MEI4: variants seen among roughly 807,000 people sequenced by gnomAD.
The protein encoded by MEI4 is meiotic double-stranded break formation protein 4, also known as meiosis-specific protein MEI4.
A neutral mutation model predicts 31.4 loss-of-function variants in MEI4; 27 were observed. That is an observed-to-expected ratio of 0.86 (90% CI 0.63 to 1.19). The LOEUF is 1.19. MEI4 is among the 50% of genes most tolerant of loss of function. The probability of loss-of-function intolerance (pLI) is 0.00; values close to 1 mark genes in which losing one functional copy is unlikely to be tolerated. For synonymous variants in MEI4, 122 were observed against 145.4 expected, an observed-to-expected ratio of 0.84 and a Z score of 1.16; for missense variants, 329 against 398.9, an observed-to-expected ratio of 0.82 and a Z score of 1.49.
intron 4 of MEI4, among the ~76,000 whole-genome samples, chr6:77,887,955 G>T (rs1771664197): frequency 6.6e-6 from 1 of 152,046 alleles, no homozygotes; most frequent in Non-Finnish European, 1.5e-5. Flanking sequence ...TCAGTGTTGG[G>T]TGCATGTTTA....
intron 2 of MEI4, among the ~76,000 whole-genome samples, chr6:77,707,593 A>G (rs1462797035): frequency 6.6e-6 from 1 of 152,212 alleles, no homozygotes; most frequent in Non-Finnish European, 1.5e-5. Flanking sequence ...GTCAAGTGCT[A>G]CTATCCAAGA....
intron 4 of MEI4, among the ~76,000 whole-genome samples, chr6:77,846,435 T>C (rs1019465187): frequency 2.0e-5 from 3 of 152,174 alleles, no homozygotes; most frequent in Non-Finnish European, 4.4e-5. Flanking sequence ...CTGGTTATTC[T>C]CGTTTCTTTA....
intron 3 of MEI4, among the ~76,000 whole-genome samples, chr6:77,813,121 C>T (rs1769612779): frequency 6.6e-6 from 1 of 152,044 alleles, no homozygotes; most frequent in African/African-American, 2.4e-5. Context: ...GGAGCAACAG[C>T]TAAGTTTTTG....
chr6:77,776,201 G>A lies in MEI4; in HGVS notation c.768+14536G>A, dbSNP rs191048051. On this transcript the variant is annotated intron_variant, in intron 3 of 4. Coordinates refer to ENST00000684080, the MANE Select transcript of MEI4 (RefSeq NM_001322247.2). Reference sequence around the variant, plus strand: ...TTTGTTTTTGTTTTTTTGCTGTGTAGAAGCAAAGACTCTTTTTCTAAATAA... The same window carrying A: ...TTTGTTTTTGTTTTTTTGCTGTGTAAAAGCAAAGACTCTTTTTCTAAATAA... Among the ~76,000 whole-genome samples the A allele has an allele frequency of 4.4e-4, 66 of 151,312 alleles. 1 individual carries two copies. The East Asian group carries it at 0.01, about 24-fold the overall frequency.
At chr6:77,651,981 T>C (rs1768307373), upstream of MEI4, among the ~76,000 whole-genome samples, 1 of 152,218 alleles carries the variant, frequency 6.6e-6, no homozygotes, top group Admixed American at 6.5e-5. Flanking sequence ...AGCAGTCCAT[T>C]GGATATTGTG....
chr6:77,734,805 C>T (rs1053010933), intron 2 of MEI4, among the ~76,000 whole-genome samples: 5 of 151,724 alleles, frequency 3.3e-5, no homozygotes, highest in African/African-American at 1.2e-4. Context: ...GCGCTTCCTT[C>T]AGGAGCTCTT....
chr6:77,746,586 C>A (rs1399213693), intron 2 of MEI4, among the ~76,000 whole-genome samples: 1 of 151,758 alleles, frequency 6.6e-6, no homozygotes, highest in Admixed American at 6.6e-5. Flanking sequence ...TACTTCTCAG[C>A]CTCCATGCTT....
At chr6:77,821,718 C>T (rs1188161306) in intron 3 of MEI4, among the ~76,000 whole-genome samples, 1 of 148,952 alleles carries the variant, frequency 6.7e-6, no homozygotes, top group Non-Finnish European at 1.5e-5. Flanking sequence ...TCGCTTGAAT[C>T]CCAGAAAGCA....
intron 3 of MEI4, among the ~76,000 whole-genome samples, chr6:77,799,433 T>A (rs1273162845): frequency 6.6e-6 from 1 of 152,064 alleles, no homozygotes; most frequent in Non-Finnish European, 1.5e-5. Flanking sequence ...TTTTCTCCCA[T>A]TTTGTAGGTT....
At chr6:77,799,545 G>A (rs1769185197) in intron 3 of MEI4, among the ~76,000 whole-genome samples, 1 of 152,106 alleles carries the variant, frequency 6.6e-6, no homozygotes, top group Admixed American at 6.5e-5. Context: ...TGCTTTTGGT[G>A]TTTTAGACAT....
chr6:77,788,285 C>A (rs1221146103), intron 3 of MEI4, among the ~76,000 whole-genome samples: 1 of 152,206 alleles, frequency 6.6e-6, no homozygotes, highest in Non-Finnish European at 1.5e-5. Context: ...GAGAAGCCCA[C>A]AGCCAATATC....
At chr6:77,893,733 T>C (rs879808806) in intron 4 of MEI4, among the ~76,000 whole-genome samples, 1 of 152,230 alleles carries the variant, frequency 6.6e-6, no homozygotes, top group Non-Finnish European at 1.5e-5. Context: ...GTAAGAACTC[T>C]TGCCAGCCAC....
At chr6:77,912,334 T>C (rs1427064317) in intron 4 of MEI4, among the ~76,000 whole-genome samples, 2 of 152,138 alleles carry the variant, frequency 1.3e-5, no homozygotes, top group African/African-American at 4.8e-5. Context: ...CATGTGAATT[T>C]TAGGATTGTT....
In MEI4 at chr6:77,906,610, G is replaced by T. The variant is rs73761624; in HGVS notation, c.901-16479G>T. On this transcript the variant is annotated intron_variant, in intron 4 of 4. Transcript: ENST00000684080. Reference sequence around the variant, plus strand: ...TTGAATAAATCCATTTTGGCATTGGGTTAAGTTTGCTAGCCCTTTTATATC... The same window carrying T: ...TTGAATAAATCCATTTTGGCATTGGTTTAAGTTTGCTAGCCCTTTTATATC... 9.2e-3 allele frequency among the ~76,000 whole-genome samples: 1,397 copies of T among 152,266 alleles called. 17 individuals carry two copies. The highest frequency in any genetic ancestry group is 0.031 in the African/African-American group (1,292 of 41,546).
intron 4 of MEI4, among the ~76,000 whole-genome samples, chr6:77,891,819 A>C (rs976702320): frequency 1.3e-5 from 2 of 152,144 alleles, no homozygotes; most frequent in Non-Finnish European, 2.9e-5. Context: ...TGATTCAATA[A>C]GATTATTTTG....
Position 77,773,611 on chromosome 6 carries a change from G to T in MEI4, c.768+11946G>T, listed in dbSNP as rs143464375. 6.6e-4 allele frequency among the ~76,000 whole-genome samples: 100 copies of T among 152,108 alleles called. 1 individual carries two copies. Among genetic ancestry groups the T allele is most frequent in the African/African-American group, 2.3e-3 (96 of 41,540 alleles). On this transcript the variant is annotated intron_variant, in intron 3 of 4. Coordinates refer to ENST00000684080, the MANE Select transcript of MEI4 (RefSeq NM_001322247.2). ...TTTCCAGCACATTGGTCTGGGCAAAGGTTTCTTGAGTAATACCTCACAAGC... is the reference window on the plus strand; with the variant it reads ...TTTCCAGCACATTGGTCTGGGCAAATGTTTCTTGAGTAATACCTCACAAGC...
At chr6:77,905,921 C>T (rs1000850198) in intron 4 of MEI4, among the ~76,000 whole-genome samples, 4 of 151,292 alleles carry the variant, frequency 2.6e-5, no homozygotes, top group African/African-American at 7.3e-5. Context: ...TTCTCTTCTT[C>T]GCATATTTTC....
chr6:77,780,940 G>A (rs1280086378), intron 3 of MEI4, among the ~76,000 whole-genome samples: 3 of 152,054 alleles, frequency 2.0e-5, no homozygotes, highest in Non-Finnish European at 2.9e-5. Context: ...ATGGGGAAGT[G>A]CAGTGGTGTG....
At position 77,889,369 on chromosome 6, in the gene MEI4, T is replaced by C. The variant is rs994717738; in HGVS notation, c.901-33720T>C. Reference sequence around the variant, plus strand: ...GTCTCATATGGAGATGAGGAACTTCTTGGGAGCTGGAGCAAAGGTGAATCT... The same window carrying C: ...GTCTCATATGGAGATGAGGAACTTCCTGGGAGCTGGAGCAAAGGTGAATCT... On this transcript the variant is annotated intron_variant, in intron 4 of 4. Coordinates refer to ENST00000684080, the MANE Select transcript of MEI4 (RefSeq NM_001322247.2). 2.6e-5 allele frequency among the ~76,000 whole-genome samples: 4 copies of C among 152,120 alleles called. 1 individual carries two copies. The highest frequency in any genetic ancestry group is 9.7e-5 in the African/African-American group (4 of 41,432).
Sources: gnomAD v4.1 joint callset for allele counts (sites outside exome capture counted in the v4.1 genomes callset) on GRCh38, gnomAD v4.1.1 for gene constraint, MANE v1.5 for transcripts, NCBI Gene and HGNC (gene_info 2026-07-23, HGNC 2026-07-21) for gene names.